The following SCARA3 variants were observed in gnomAD, a reference collection of about 807,000 sequenced individuals.
SCARA3 encodes cellular stress response gene protein.
Under a neutral mutation model 47.0 loss-of-function variants are expected in SCARA3, and 39 were observed. The ratio of observed to expected loss-of-function variants is 0.83; its 90% CI spans 0.64 to 1.08. The LOEUF is 1.08. Ranked by LOEUF, SCARA3 falls within the 50% of genes least tolerant of loss-of-function variation. SCARA3 has a pLI of 0.00. For missense variants in SCARA3, 724 were observed against 792.3 expected (o/e 0.91, Z 1.04); for synonymous variants, 356 against 334.1 (o/e 1.07, Z -0.71).
At chr8:27,723,858 C>T in the SCARA3 span, among the ~76,000 whole-genome samples, 4 of 152,300 alleles carry the variant, frequency 2.6e-5, no homozygotes, top group South Asian at 8.3e-4. Context: ...ACCTCAGCCT[C>T]CCGAGTAGCT....
the SCARA3 span, among the ~76,000 whole-genome samples, chr8:27,721,102 C>T: frequency 1.3e-5 from 2 of 152,070 alleles, no homozygotes; most frequent in Non-Finnish European, 2.9e-5. Flanking sequence ...CCCTCCTTCC[C>T]TCCCTCCCTC....
At position 27,671,396 on chromosome 8, in the gene SCARA3, C is replaced by T. The variant is rs1040361382; in HGVS notation, c.*45C>T. ...ACTGTCACACAGAATGCCGGAGGGGCGCAGAGCAGATCCAGGCCCCAGAAA... is the reference window on the plus strand; with the variant it reads ...ACTGTCACACAGAATGCCGGAGGGGTGCAGAGCAGATCCAGGCCCCAGAAA... On this transcript the variant is annotated 3_prime_UTR_variant, in exon 6 of 6. Transcript: ENST00000301904. 17 of 1,374,594 alleles carry T rather than the reference C, an allele frequency of 1.2e-5. No individual in the cohort carries two copies. The East Asian group carries it at 1.5e-4, about 12-fold the overall frequency. The allele number at this position is 1,374,594 out of a possible 1,614,324, so 85.1% of individuals were successfully genotyped here. A position where few individuals can be genotyped will look rare whatever the true frequency, so the allele number is the denominator to read the frequency against.
rs550968877 is a variant in SCARA3, at chr8:27,651,204, G to T, written c.107-304G>T. On this transcript the variant is annotated intron_variant, in intron 2 of 5. Coordinates refer to ENST00000301904, the MANE Select transcript of SCARA3 (RefSeq NM_016240.3). ...TGCTCATCCTGTGGGTCCTCAGTAGGACCAATGGAGAGGGAAGAGGTGTTT... is the reference window on the plus strand; with the variant it reads ...TGCTCATCCTGTGGGTCCTCAGTAGTACCAATGGAGAGGGAAGAGGTGTTT... Among the ~76,000 whole-genome samples, 3 of 152,346 alleles carry T rather than the reference G, an allele frequency of 2.0e-5. No homozygotes were observed. In the South Asian group the frequency reaches 6.2e-4, roughly 32 times the overall value.
chr8:27,681,153 CAAGTA>C (rs756824862), downstream of SCARA3, among the ~76,000 whole-genome samples: 2 of 151,742 alleles, frequency 1.3e-5, no homozygotes, highest in East Asian at 3.9e-4. Flanking sequence ...TGAAATAAGA[CAAGTA>C]AAGTAAAGAT....
At chr8:27,648,892 G>C (rs73560263) in intron 1 of SCARA3, among the ~76,000 whole-genome samples, 1,595 of 141,402 alleles carry the variant, frequency 0.011, 23 homozygotes, top group African/African-American at 0.038. Context: ...AAGGAAGGAA[G>C]GAATGAAGGA....
In SCARA3 at chr8:27,671,196, G is replaced by T. The variant is rs780936660; in HGVS notation, c.1666G>T (p.Gly556Trp). 2.5e-5 allele frequency: 38 copies of T among 1,508,672 alleles called. No homozygotes were observed. The highest frequency in any genetic ancestry group is 3.3e-5 in the Non-Finnish European group (38 of 1,134,414). 93.5% of individuals were successfully genotyped at this position (1,508,672 alleles called of 1,614,324 possible). The change falls in exon 6 of 6, where the codon GGG becomes TGG. Residue 556 changes from glycine (G) to tryptophan (W), a missense_variant. Physicochemically the swap from Gly to Trp is radical, Grantham distance 184. Transcript: ENST00000301904. ...GCCAGAAGGGCCCCCGGGGTCTCCA[G>T]GGCCCTCAGGGCCTCAGGGAAAACC... ...PGPEGPPGSP[G>W]PSGPQGKPGI...
the SCARA3 span, among the ~76,000 whole-genome samples, chr8:27,728,662 T>C: frequency 6.6e-6 from 1 of 152,112 alleles, no homozygotes; most frequent in Non-Finnish European, 1.5e-5. Context: ...GAATTATATG[T>C]GAGATTGAAG....
chr8:27,669,256 A>G (rs1389631241), intron 5 of SCARA3, among the ~76,000 whole-genome samples: 1 of 152,202 alleles, frequency 6.6e-6, no homozygotes, highest in Non-Finnish European at 1.5e-5. Flanking sequence ...TGGATGAAAT[A>G]TGAGTTTTGG....
chr8:27,719,986 C>T, the SCARA3 span, among the ~76,000 whole-genome samples: 2 of 152,142 alleles, frequency 1.3e-5, no homozygotes, highest in African/African-American at 4.8e-5. Flanking sequence ...CCATGACTCA[C>T]CCTGCAGCTG....
At chr8:27,635,788 TCCCACCAA>T (rs1801237797) in intron 1 of SCARA3, among the ~76,000 whole-genome samples, 1 of 152,088 alleles carries the variant, frequency 6.6e-6, no homozygotes, top group Non-Finnish European at 1.5e-5. Flanking sequence ...AGTCATCCCC[TCCCACCAA>T]CACACAAACA....
In SCARA3 at chr8:27,656,814, A is replaced by T. The variant is rs750275372; in HGVS notation, c.259A>T (p.Ile87Phe). ...FRKVDSLSED[I>F]SLTQSIYDKK... ...AAAAGTGGACTCTCTCTCCGAAGAC[A>T]TCTCCTTGACCCAGTCTATTTATGA... Residue 87 changes from isoleucine (I) to phenylalanine (F), a missense_variant, in exon 4 of 6, where the codon ATC (isoleucine) becomes TTC (phenylalanine). Physicochemically the swap from Ile to Phe is conservative, Grantham distance 21. Transcript: ENST00000301904. The T allele has an allele frequency of 1.2e-6, 2 of 1,613,106 alleles. No individual in the cohort carries two copies. The highest frequency in any genetic ancestry group is 1.7e-5 in the Admixed American group (1 of 60,012).
the SCARA3 span, chr8:27,703,556 C>T: frequency 6.6e-6 from 1 of 152,182 alleles, no homozygotes; most frequent in Non-Finnish European, 1.5e-5. Flanking sequence ...GTGTGGTTAT[C>T]AAACGCACAG....
the SCARA3 span, among the ~76,000 whole-genome samples, chr8:27,721,501 A>G: frequency 6.6e-6 from 1 of 152,202 alleles, no homozygotes; most frequent in Non-Finnish European, 1.5e-5. Flanking sequence ...AGAACAAAAG[A>G]ATGAGGCAAG....
At chr8:27,682,136 G>A in the SCARA3 span, among the ~76,000 whole-genome samples, 1 of 152,236 alleles carries the variant, frequency 6.6e-6, no homozygotes, top group South Asian at 2.1e-4. Flanking sequence ...TTTAATAATA[G>A]TCAATTGCAT....
chr8:27,711,849 A>G, the SCARA3 span, among the ~76,000 whole-genome samples: 2 of 152,126 alleles, frequency 1.3e-5, no homozygotes, highest in Admixed American at 1.3e-4. Flanking sequence ...AGCTTCCCCT[A>G]TTATTAACCT....
chr8:27,733,003 A>C, the SCARA3 span, among the ~76,000 whole-genome samples: 66,035 of 152,062 alleles, frequency 0.43, 14,608 homozygotes, highest in East Asian at 0.63. Flanking sequence ...GCCTTGGCCA[A>C]AATTTCAGGC....
At chr8:27,679,814 TA>T (rs1306136636), downstream of SCARA3, 1 of 152,214 alleles carries the variant, frequency 6.6e-6, no homozygotes, top group African/African-American at 2.4e-5. Context: ...AAATGAGAGA[TA>T]CACGTCAAAT....
chr8:27,636,731 C>T (rs1009379472), intron 1 of SCARA3, among the ~76,000 whole-genome samples: 46 of 152,300 alleles, frequency 3.0e-4, no homozygotes, highest in African/African-American at 1.1e-3. Flanking sequence ...CTCCGGAAAC[C>T]CCTCAGTGAT....
chr8:27,658,860 T>C lies in SCARA3; in HGVS notation c.690T>C (p.Thr230=), dbSNP rs751938341. 21 of 1,614,018 alleles carry C rather than the reference T, an allele frequency of 1.3e-5. No individual in the cohort carries two copies. The highest frequency in any genetic ancestry group is 5.1e-6 in the Non-Finnish European group (6 of 1,180,026). The change falls in exon 5 of 6, where the codon ACT becomes ACC. Residue 230 remains threonine, a synonymous_variant. Transcript: ENST00000301904. ...AGATCAACTTCACCGTGGGGCAGACTTCCGAGTGGATCCACGGGATCCAGC... is the reference window on the plus strand; with the variant it reads ...AGATCAACTTCACCGTGGGGCAGACCTCCGAGTGGATCCACGGGATCCAGC... ...VHQINFTVGQ[T]SEWIHGIQRK... is the part of the protein sequence containing the mutation.
Sources: gnomAD v4.1 joint callset for allele counts (sites outside exome capture counted in the v4.1 genomes callset) on GRCh38, gnomAD v4.1.1 for gene constraint, MANE v1.5 for transcripts, NCBI Gene and HGNC (gene_info 2026-07-23, HGNC 2026-07-21) for gene names.